HDAC3: variants seen among roughly 807,000 people sequenced by gnomAD.
HDAC3 encodes the protein SMAP45.
HDAC3 carries 21 observed loss-of-function variants against 62.3 expected under a neutral mutation model. The observed-to-expected ratio is 0.34, with a 90% CI of 0.24 to 0.49. HDAC3 has a LOEUF of 0.49. Among genes scored for constraint, HDAC3 ranks in the 20% least tolerant of loss-of-function variants. The pLI, the probability that HDAC3 is intolerant of heterozygous loss-of-function variation, is 0.99. For synonymous variants in HDAC3, 198 were observed against 206.5 expected (o/e 0.96, Z 0.35); for missense variants, 270 against 556.9 (o/e 0.48, Z 5.19).
Position 141,626,597 on chromosome 5 carries a change from G to A in HDAC3, c.831-314C>T, listed in dbSNP as rs113292355. 2.0e-5 allele frequency: 7 copies of A among 350,102 alleles called. No homozygotes were observed. The East Asian group carries it at 3.5e-4, about 17-fold the overall frequency. 21.7% of individuals were successfully genotyped at this position (350,102 alleles called of 1,614,324 possible). A position where few individuals can be genotyped will look rare whatever the true frequency, so the allele number is the denominator to read the frequency against. On this transcript the variant is annotated intron_variant, in intron 10 of 14. Coordinates refer to ENST00000305264, the MANE Select transcript of HDAC3 (RefSeq NM_003883.4). This position sits in a 1 kb window ranked among gnomAD's most constrained non-coding sequence, Gnocchi z 4.6. Reference sequence around the variant, plus strand: ...AGCCTTGAAAATATAACTCACGCCCGGCGCGGTGCTCACGCCTTTGTAGTA... The same window carrying A: ...AGCCTTGAAAATATAACTCACGCCCAGCGCGGTGCTCACGCCTTTGTAGTA...
At position 141,636,561 on chromosome 5, in the gene HDAC3, T is replaced by C. The variant is rs1175518468; in HGVS notation, c.125A>G (p.Tyr42Cys). 3.1e-6 allele frequency: 5 copies of C among 1,613,680 alleles called. No homozygotes were observed. Among genetic ancestry groups the C allele is most frequent in the Non-Finnish European group, 4.2e-6 (5 of 1,179,788 alleles). ...THSLVLHYGL[Y>C]KKMIVFKPYQ... Reference sequence around the variant, plus strand: ...GGCGGAACTCACGATCATCTTCTTATAGAGACCGTAATGCAGGACCAGGCT... The same window carrying C: ...GGCGGAACTCACGATCATCTTCTTACAGAGACCGTAATGCAGGACCAGGCT... The change falls in exon 2 of 15, where the codon TAT becomes TGT. Residue 42 changes from tyrosine to cysteine, a missense_variant. This residue lies in a region of HDAC3 where 16 missense variants were observed against 50.1 expected (regional missense o/e 0.32). Coordinates refer to ENST00000305264, the MANE Select transcript of HDAC3 (RefSeq NM_003883.4).
intron 14 of HDAC3, among the ~76,000 whole-genome samples, chr5:141,621,966 A>G (rs1287948406): frequency 2.0e-5 from 3 of 152,208 alleles, no homozygotes; most frequent in Non-Finnish European, 2.9e-5. Flanking sequence ...AAGCAGGCAA[A>G]GACTTCAGGA....
intron 14 of HDAC3, among the ~76,000 whole-genome samples, chr5:141,623,487 G>A (rs2099903980): frequency 6.6e-6 from 1 of 152,134 alleles, no homozygotes; most frequent in South Asian, 2.1e-4. Flanking sequence ...TGCCAGCCTG[G>A]AGCTATTGAT....
rs1380541832 is a variant in HDAC3, at chr5:141,626,489, C to G, written c.831-206G>C. On this transcript the variant is annotated intron_variant, in intron 10 of 14. Transcript: ENST00000305264. This position sits in a 1 kb window ranked among gnomAD's most constrained non-coding sequence, Gnocchi z 4.6. ...TAAAAATTTTAAAATAAAGCACAGT[C>G]CCCCCTCTGTTCTGCTCAACACCCT... 2 of 568,558 alleles carry G rather than the reference C, an allele frequency of 3.5e-6. No homozygotes were observed. The highest frequency in any genetic ancestry group is 5.8e-5 in the Admixed American group (2 of 34,602). 35.2% of individuals were successfully genotyped at this position (568,558 alleles called of 1,614,324 possible). A position where few individuals can be genotyped will look rare whatever the true frequency, so the allele number is the denominator to read the frequency against.
At chr5:141,635,703 C>G (rs1005501041) in intron 2 of HDAC3, among the ~76,000 whole-genome samples, 1 of 152,274 alleles carries the variant, frequency 6.6e-6, no homozygotes, top group Non-Finnish European at 1.5e-5. Flanking sequence ...CTCCTGGGCC[C>G]AAGCCATCCT....
intron 3 of HDAC3, among the ~76,000 whole-genome samples, chr5:141,630,457 TAGTCTTCTC>T (rs1417044927): frequency 6.6e-6 from 1 of 152,240 alleles, no homozygotes; most frequent in Non-Finnish European, 1.5e-5. Context: ...CTGTTTTTCT[TAGTCTTCTC>T]AGTGTAACAA....
rs1264849503 is a variant in HDAC3 at position 141,626,890 on chromosome 5, G to C, written c.831-607C>G. On this transcript the variant is annotated intron_variant, in intron 10 of 14. Transcript: ENST00000305264. The surrounding 1 kb of genome is among the most constrained non-coding windows in gnomAD (Gnocchi z 4.6). ...GTCTGGGCACCTAACCAACACCATG[G>C]CTTCCTAACTGGTCTTTCTACTTCC... Among the ~76,000 whole-genome samples, 5 of 150,864 alleles carry C rather than the reference G, an allele frequency of 3.3e-5. No homozygotes were observed. The highest frequency in any genetic ancestry group is 1.2e-4 in the African/African-American group (5 of 40,982).
rs2547551 is a variant in HDAC3, at chr5:141,636,608, G to A, written c.78C>T (p.Pro26=). 1.2e-6 allele frequency: 2 copies of A among 1,614,094 alleles called. No individual in the cohort carries two copies. Among genetic ancestry groups the A allele is most frequent in the Non-Finnish European group, 1.7e-6 (2 of 1,180,000 alleles). Reference sequence around the variant, plus strand: ...GGCTATGGGTCAATGCCAGGCGATGGGGCTTCATAGGGTGTCCAGCTCCTG... The same window carrying A: ...GGCTATGGGTCAATGCCAGGCGATGAGGCTTCATAGGGTGTCCAGCTCCTG... The part of the protein sequence containing the change: ...FHYGAGHPMK[P]HRLALTHSLV... The change falls in exon 2 of 15, where the codon CCC becomes CCT. Residue 26 remains proline (P), a synonymous_variant. Transcript: ENST00000305264.
At chr5:141,636,490 T>A in intron 2 of HDAC3, 58 bp downstream of exon 2, 1 of 1,501,788 alleles carries the variant, frequency 6.7e-7, no homozygotes, top group Non-Finnish European at 9.3e-7. Context: ...AGCCCACCTA[T>A]CCCTACGGCC....
Position 141,629,981 on chromosome 5 carries a change from A to G in HDAC3, c.363+63T>C, listed in dbSNP as rs1250875187. ...CCCCTCAAGCTGGGAGCCCAGGATC[A>G]GGGTTAAATCCCGAGTCCAGGGATC... is the stretch of plus-strand genomic sequence containing the variant. On this transcript the variant is annotated intron_variant, in intron 4 of 14. Transcript: ENST00000305264. The surrounding 1 kb of genome is among the most constrained non-coding windows in gnomAD (Gnocchi z 5.3). 1.2e-6 allele frequency: 2 copies of G among 1,612,636 alleles called. No homozygotes were observed. Among genetic ancestry groups the G allele is most frequent in the East Asian group, 2.2e-5 (1 of 44,876 alleles).
intron 14 of HDAC3, among the ~76,000 whole-genome samples, chr5:141,624,556 CA>C (rs768572344): frequency 0.23 from 15,360 of 67,174 alleles, 681 homozygotes; most frequent in South Asian, 0.26. Context: ...GACCCTGTCT[CA>C]AAAAAAAAAA....
At chr5:141,627,808 G>T in intron 10 of HDAC3, 85 bp downstream of exon 10, 1 of 1,108,806 alleles carries the variant, frequency 9.0e-7, no homozygotes, top group Non-Finnish European at 1.4e-6. Flanking sequence ...AAGAGGTGAG[G>T]CCCATTCCCC....
At position 141,626,415 on chromosome 5, in the gene HDAC3, T is replaced by C; in HGVS notation, c.831-132A>G. 2.8e-6 allele frequency: 2 copies of C among 710,726 alleles called. No homozygotes were observed. The highest frequency in any genetic ancestry group is 1.8e-5 in the African/African-American group (1 of 57,056). The allele number at this position is 710,726 out of a possible 1,614,324, so 44.0% of individuals were successfully genotyped here. ...ATCTTTATCTTGATAGTGAAATTCA[T>C]TATGTTATACCCTTAAGATTTGGGT... On this transcript the variant is annotated intron_variant, in intron 10 of 14. Coordinates refer to ENST00000305264, the MANE Select transcript of HDAC3 (RefSeq NM_003883.4). The surrounding 1 kb of genome is among the most constrained non-coding windows in gnomAD (Gnocchi z 4.6).
Position 141,629,543 on chromosome 5 carries a change from G to A in HDAC3, c.476+141C>T. On this transcript the variant is annotated intron_variant, in intron 6 of 14. Coordinates refer to ENST00000305264, the MANE Select transcript of HDAC3 (RefSeq NM_003883.4). This position sits in a 1 kb window ranked among gnomAD's most constrained non-coding sequence, Gnocchi z 5.3. Reference sequence around the variant, plus strand: ...CAGGCAGTAGGGAATCTGCAGCAGTGGAAGAGGCAGCCTGAATAAAGCATC... The same window carrying A: ...CAGGCAGTAGGGAATCTGCAGCAGTAGAAGAGGCAGCCTGAATAAAGCATC... 1 of 943,800 alleles carries A rather than the reference G, an allele frequency of 1.1e-6. No individual in the cohort carries two copies. The highest frequency in any genetic ancestry group is 1.6e-6 in the Non-Finnish European group (1 of 607,368). The allele number at this position is 943,800 out of a possible 1,614,324, so 58.5% of individuals were successfully genotyped here.
At chr5:141,627,235 C>T (rs756972813) in intron 10 of HDAC3, among the ~76,000 whole-genome samples, 20 of 152,168 alleles carry the variant, frequency 1.3e-4, no homozygotes, top group Non-Finnish European at 2.9e-4. Flanking sequence ...CCATCATGCC[C>T]AGCTGATTTT....
rs543271796 is a variant in HDAC3 at position 141,636,749 on chromosome 5, G to C, written c.42C>G (p.Gly14=). ...TVAYFYDPDV[G]NFHYGAGHPM... ...CTGTTTCCTCACCGTAGTGGAAGTT[G>C]CCCACGTCGGGGTCGTAGAAATAGG... Residue 14 remains glycine, a synonymous_variant, in exon 1 of 15, where the codon GGC becomes GGG. Transcript: ENST00000305264. 1.9e-6 allele frequency: 3 copies of C among 1,614,038 alleles called. No individual in the cohort carries two copies. The Admixed American group carries it at 5.0e-5, about 27-fold the overall frequency.
At chr5:141,631,335 T>C (rs2099905184) in intron 3 of HDAC3, among the ~76,000 whole-genome samples, 1 of 152,084 alleles carries the variant, frequency 6.6e-6, no homozygotes, top group Admixed American at 6.5e-5. Flanking sequence ...TTGGAAAGAA[T>C]TAGTGATTAA....
At position 141,636,807 on chromosome 5, in the gene HDAC3, G is replaced by T. The variant is rs551789546; in HGVS notation, c.-17C>A. 3.9e-6 allele frequency: 6 copies of T among 1,549,968 alleles called. No homozygotes were observed. Among genetic ancestry groups the T allele is most frequent in the Non-Finnish European group, 5.2e-6 (6 of 1,150,304 alleles). The stretch of plus-strand genomic sequence containing the variant: ...CTTGGCCATGGTGCCGGCGGGAGCA[G>T]GCCCCGCACCTCCGCCGCCCGCCGC... On this transcript the variant is annotated 5_prime_UTR_variant, in exon 1 of 15. It adds an upstream start codon to the 5' untranslated region. Coordinates refer to ENST00000305264, the MANE Select transcript of HDAC3 (RefSeq NM_003883.4).
Position 141,634,878 on chromosome 5 carries a change from T to C in HDAC3, c.214A>G (p.Arg72Gly). Residue 72 changes from arginine (R) to glycine (G), a missense_variant, in exon 3 of 15, where the codon AGA becomes GGA. This residue lies in a region of HDAC3 where 32 missense variants were observed against 37.4 expected (regional missense o/e 0.86). Coordinates refer to ENST00000305264, the MANE Select transcript of HDAC3 (RefSeq NM_003883.4). ...CCTTGCATATTGGTGGGGCTGACTC[T>C]CTGCAGGAAGTCAATGTAGTCCTCG... ...HSEDYIDFLQ[R>G]VSPTNMQGFT... 1.9e-6 allele frequency: 3 copies of C among 1,614,094 alleles called. No homozygotes were observed. The highest frequency in any genetic ancestry group is 2.5e-6 in the Non-Finnish European group (3 of 1,180,000).
Sources: allele counts gnomAD v4.1 joint callset (sites outside exome capture counted in the v4.1 genomes callset), GRCh38; gene constraint gnomAD v4.1.1; regional missense constraint gnomAD v4.1.1; non-coding constraint Gnocchi (gnomAD v3.1); transcripts MANE v1.5; gene names NCBI Gene and HGNC (gene_info 2026-07-23, HGNC 2026-07-21).